Variants in GAN observed in about 807,000 individuals in gnomAD.
GAN encodes gigaxonin, also known as epididymis secretory sperm binding protein.
Under a neutral mutation model 71.3 loss-of-function variants are expected in GAN, and 48 were observed. The observed-to-expected ratio is 0.67, with a 90% CI of 0.53 to 0.86. The LOEUF (loss-of-function observed/expected upper bound fraction) is 0.86. Ranked by LOEUF, GAN falls within the 40% of genes least tolerant of loss-of-function variation. The pLI is 0.00. For missense variants in GAN, 928 were observed against 770.1 expected, an observed-to-expected ratio of 1.21 and a Z score of -2.43; for synonymous variants, 386 against 276.8, an observed-to-expected ratio of 1.39 and a Z score of -3.92.
intron 1 of GAN, among the ~76,000 whole-genome samples, chr16:81,322,146 T>C (rs1228429082): frequency 6.6e-6 from 1 of 152,234 alleles, no homozygotes; most frequent in Admixed American, 6.5e-5. Context: ...AATGCCCTAA[T>C]TTCTCATAAA....
At chr16:81,357,456 A>G (rs1312192897) in intron 4 of GAN, among the ~76,000 whole-genome samples, 3 of 152,320 alleles carry the variant, frequency 2.0e-5, no homozygotes, top group South Asian at 4.1e-4. Flanking sequence ...TTATGGCTGC[A>G]TAGTATTCCA....
In GAN at chr16:81,371,450, G is replaced by T. The variant is rs190604605; in HGVS notation, c.1503-5769G>T. The stretch of plus-strand genomic sequence containing the variant: ...GAATTTTCTTATATTGCTTTAGAGT[G>T]TTGCTCTGAGTTTTAGTCAGCAATT... On this transcript the variant is annotated intron_variant, in intron 9 of 10. Transcript: ENST00000648994. 2.0e-5 allele frequency among the ~76,000 whole-genome samples: 3 copies of T among 152,302 alleles called. No individual in the cohort carries two copies. In the East Asian group the frequency reaches 5.8e-4, roughly 29 times the overall value.
rs1344076472 is a variant in GAN at position 81,385,128 on chromosome 16, A to G, written c.*7532A>G. On this transcript the variant is annotated 3_prime_UTR_variant, in exon 11 of 11. Coordinates refer to ENST00000648994, the MANE Select transcript of GAN (RefSeq NM_022041.4). ...TGTGTATTAATAAGATTTAATTTTT[A>G]TGCTTGTGCTTTTCAGAGTAAAGGG... 2 of 152,688 alleles carry G rather than the reference A, an allele frequency of 1.3e-5. 1 individual carries two copies. Among genetic ancestry groups the G allele is most frequent in the Non-Finnish European group, 2.9e-5 (2 of 68,140 alleles). 9.5% of individuals were successfully genotyped at this position (152,688 alleles called of 1,614,324 possible).
At chr16:81,348,769 A>G (rs1910204690) in intron 1 of GAN, among the ~76,000 whole-genome samples, 1 of 152,210 alleles carries the variant, frequency 6.6e-6, no homozygotes, top group African/African-American at 2.4e-5. Context: ...TGTGTGATCA[A>G]ACTGGGTCAT....
chr16:81,332,729 C>T (rs1909625033), intron 1 of GAN, among the ~76,000 whole-genome samples: 1 of 152,216 alleles, frequency 6.6e-6, no homozygotes, highest in Non-Finnish European at 1.5e-5. Context: ...GACCACAGCT[C>T]TTCTGGTGAG....
rs186610729 is a variant in GAN at position 81,361,730 on chromosome 16, C to T, written c.974-769C>T. On this transcript the variant is annotated intron_variant, in intron 5 of 10. Transcript: ENST00000648994. ...TTATTTTTGAAACAAGATCTCACTT[C>T]GTTGCCCAGGCTGGAGTACAATGGC... 2.4e-3 allele frequency among the ~76,000 whole-genome samples: 368 copies of T among 152,304 alleles called. 1 individual carries two copies. Among genetic ancestry groups the T allele is most frequent in the African/African-American group, 8.3e-3 (347 of 41,570 alleles).
chr16:81,362,417 G>C lies in GAN; in HGVS notation c.974-82G>C, dbSNP rs796886481. The C allele has an allele frequency of 9.0e-6, 7 of 778,556 alleles. No individual in the cohort carries two copies. The African/African-American group carries it at 1.2e-4, about 13-fold the overall frequency. 48.2% of individuals were successfully genotyped at this position (778,556 alleles called of 1,614,324 possible). On this transcript the variant is annotated intron_variant, in intron 5 of 10. Coordinates refer to ENST00000648994, the MANE Select transcript of GAN (RefSeq NM_022041.4). ...TTGTTGTCATCAGAGAGTTTCTTCA[G>C]ATGCTGTTTCTATATATGCTGTGGC... is the stretch of plus-strand genomic sequence containing the variant.
intron 9 of GAN, among the ~76,000 whole-genome samples, chr16:81,376,526 CAT>C (rs1034843734): frequency 1.9e-4 from 21 of 108,508 alleles, no homozygotes; most frequent in South Asian, 1.6e-3. Flanking sequence ...TGTGTGTATA[CAT>C]ATATGTGTAT....
At chr16:81,352,554 T>C (rs1416981115) in intron 2 of GAN, among the ~76,000 whole-genome samples, 1 of 152,236 alleles carries the variant, frequency 6.6e-6, no homozygotes, top group African/African-American at 2.4e-5. Context: ...TCCTTTATTC[T>C]TTCTTTATCC....
At chr16:81,340,467 T>C (rs79890264) in intron 1 of GAN, among the ~76,000 whole-genome samples, 3,238 of 152,116 alleles carry the variant, frequency 0.021, 58 homozygotes, top group East Asian at 0.083. Flanking sequence ...TGTTCTGCAG[T>C]CTCCACTGGT....
chr16:81,352,211 C>T (rs1910322873), intron 2 of GAN, among the ~76,000 whole-genome samples: 1 of 152,198 alleles, frequency 6.6e-6, no homozygotes, highest in Non-Finnish European at 1.5e-5. Flanking sequence ...TGCCCTGGTC[C>T]TGTTGCCTCA....
At chr16:81,334,808 T>C (rs984794696) in intron 1 of GAN, among the ~76,000 whole-genome samples, 2 of 151,998 alleles carry the variant, frequency 1.3e-5, no homozygotes, top group Non-Finnish European at 2.9e-5. Context: ...CAGAACCACA[T>C]GAGAATAGTC....
At chr16:81,325,482 C>T (rs188896746) in intron 1 of GAN, among the ~76,000 whole-genome samples, 204 of 152,174 alleles carry the variant, frequency 1.3e-3, no homozygotes, top group African/African-American at 4.9e-3. Flanking sequence ...TCTAGCATGC[C>T]GGGTTATTGG....
chr16:81,334,927 A>G (rs953012662), intron 1 of GAN, among the ~76,000 whole-genome samples: 2 of 152,170 alleles, frequency 1.3e-5, no homozygotes, highest in Non-Finnish European at 2.9e-5. Flanking sequence ...TTTATTTGGT[A>G]TGGGGATAGA....
intron 1 of GAN, among the ~76,000 whole-genome samples, chr16:81,319,934 G>A (rs977013488): frequency 2.0e-5 from 3 of 152,138 alleles, no homozygotes; most frequent in African/African-American, 7.2e-5. Flanking sequence ...TGAGGAGGAG[G>A]ACCTGTTTCT....
chr16:81,331,285 A>C (rs946719970), intron 1 of GAN, among the ~76,000 whole-genome samples: 4 of 152,234 alleles, frequency 2.6e-5, no homozygotes, highest in Non-Finnish European at 5.9e-5. Context: ...AGGTCATGAA[A>C]GACAAGGAAG....
intron 1 of GAN, among the ~76,000 whole-genome samples, chr16:81,327,066 C>A (rs989905971): frequency 5.3e-5 from 8 of 152,190 alleles, no homozygotes; most frequent in African/African-American, 1.7e-4. Flanking sequence ...TAGAGTCTTA[C>A]TTTTGGACTG....
chr16:81,317,453 G>A lies in GAN; in HGVS notation c.167+2173G>A, dbSNP rs142973709. Reference sequence around the variant, plus strand: ...AATCTGATGAATGAGGGATAAAAATGAGTCTTCTCATTTAATCACACCTGT... The same window carrying A: ...AATCTGATGAATGAGGGATAAAAATAAGTCTTCTCATTTAATCACACCTGT... On this transcript the variant is annotated intron_variant, in intron 1 of 10. Transcript: ENST00000648994. Among the ~76,000 whole-genome samples the A allele has an allele frequency of 2.1e-3, 326 of 152,322 alleles. 1 individual carries two copies. The highest frequency in any genetic ancestry group is 7.7e-3 in the African/African-American group (318 of 41,552).
intron 9 of GAN, among the ~76,000 whole-genome samples, chr16:81,373,889 C>T (rs1447210153): frequency 3.9e-5 from 6 of 152,126 alleles, no homozygotes; most frequent in Non-Finnish European, 8.8e-5. Flanking sequence ...ACTACAGGCA[C>T]GTGCCACCAT....
Sources: gnomAD v4.1 joint callset for allele counts (sites outside exome capture counted in the v4.1 genomes callset) on GRCh38, gnomAD v4.1.1 for gene constraint, MANE v1.5 for transcripts, NCBI Gene and HGNC (gene_info 2026-07-23, HGNC 2026-07-21) for gene names.